USP40: variants seen among roughly 807,000 people sequenced by gnomAD.
USP40 encodes ubiquitin specific peptidase 40.
Under a neutral mutation model 166.2 loss-of-function variants are expected in USP40, and 143 were observed. The ratio of observed to expected loss-of-function variants is 0.86; its 90% CI spans 0.75 to 0.99. The LOEUF (loss-of-function observed/expected upper bound fraction) is 0.99. Among genes scored for constraint, USP40 ranks in the 50% least tolerant of loss-of-function variants. The pLI, the probability that USP40 is intolerant of heterozygous loss-of-function variation, is 0.00. For missense variants in USP40, 1,444 were observed against 1,479.7 expected (o/e 0.98, Z 0.40); for synonymous variants, 498 against 524.0 (o/e 0.95, Z 0.68).
intron 24 of USP40, among the ~76,000 whole-genome samples, chr2:233,496,422 TA>T (rs1165787000): frequency 2.6e-5 from 4 of 152,210 alleles, no homozygotes; most frequent in Non-Finnish European, 2.9e-5. Context: ...AACAAAATGT[TA>T]AAAACACGGT....
intron 26 of USP40, chr2:233,490,931 A>T (rs1192842088): frequency 1.5e-6 from 1 of 661,054 alleles, no homozygotes; most frequent in African/African-American, 1.8e-5. Flanking sequence ...GTCACTGAGG[A>T]TAGATTGAAA....
intron 26 of USP40, among the ~76,000 whole-genome samples, chr2:233,490,180 T>C (rs926874576): frequency 2.9e-5 from 4 of 138,368 alleles, no homozygotes; most frequent in Non-Finnish European, 4.8e-5. Context: ...TTTTTTTTTT[T>C]TGAGACGGAG....
intron 10 of USP40, among the ~76,000 whole-genome samples, chr2:233,538,817 G>C (rs4047187): frequency 0.79 from 120,425 of 152,104 alleles, 47,755 homozygotes; most frequent in East Asian, 0.87. Context: ...AGAAGTTCAA[G>C]ACCAGCCTGG....
intron 5 of USP40, among the ~76,000 whole-genome samples, chr2:233,556,339 C>T (rs111626409): frequency 3.3e-5 from 5 of 151,918 alleles, no homozygotes; most frequent in East Asian, 3.9e-4. Context: ...TTACAAAGAA[C>T]TGAAGGTTAT....
At chr2:233,533,092 A>G (rs1358564517) in intron 11 of USP40, among the ~76,000 whole-genome samples, 1 of 152,082 alleles carries the variant, frequency 6.6e-6, no homozygotes, top group Non-Finnish European at 1.5e-5. Context: ...AAAATAAAGG[A>G]GAAGATATAA....
At chr2:233,550,403 TTAAC>T (rs1424299513) in intron 7 of USP40, among the ~76,000 whole-genome samples, 2 of 152,060 alleles carry the variant, frequency 1.3e-5, no homozygotes, top group East Asian at 3.8e-4. Context: ...AACAATTATA[TTAAC>T]TAACTCTGGG....
At chr2:233,477,802 T>C (rs1194908574) in intron 31 of USP40, among the ~76,000 whole-genome samples, 1 of 152,228 alleles carries the variant, frequency 6.6e-6, no homozygotes, top group East Asian at 1.9e-4. Context: ...CTTTCCGTAC[T>C]TTTTAAACGG....
At chr2:233,521,189 T>C (rs2067626531) in intron 16 of USP40, 75 bp from the exon 17 acceptor site, 1 of 1,487,874 alleles carries the variant, frequency 6.7e-7, no homozygotes, top group South Asian at 1.4e-5. Context: ...CATGTGTCAC[T>C]TAATGTGACT....
At chr2:233,543,842 C>A (rs538381824) in intron 8 of USP40, among the ~76,000 whole-genome samples, 1 of 152,242 alleles carries the variant, frequency 6.6e-6, no homozygotes, top group Admixed American at 6.5e-5. Context: ...CTTGCTGACA[C>A]TGAACTTCCA....
chr2:233,502,773 C>T (rs1420784466), intron 21 of USP40, among the ~76,000 whole-genome samples: 1 of 152,102 alleles, frequency 6.6e-6, no homozygotes, highest in East Asian at 1.9e-4. Context: ...ATGAGGATTA[C>T]AGCTGAAGAA....
chr2:233,515,559 A>T (rs1003070966), intron 18 of USP40, among the ~76,000 whole-genome samples: 1 of 151,532 alleles, frequency 6.6e-6, no homozygotes, highest in African/African-American at 2.4e-5. Flanking sequence ...GTTAGGTTAC[A>T]AGGGTTTTTT....
At chr2:233,485,221 C>A (rs1230080727) in intron 30 of USP40, among the ~76,000 whole-genome samples, 3 of 152,176 alleles carry the variant, frequency 2.0e-5, no homozygotes, top group African/African-American at 7.2e-5. Flanking sequence ...GACGTCATGT[C>A]ACACAGTAGT....
chr2:233,507,271 T>G (rs1298772120), intron 21 of USP40, among the ~76,000 whole-genome samples: 1 of 152,142 alleles, frequency 6.6e-6, no homozygotes, highest in East Asian at 1.9e-4. Context: ...CAGATGTTCC[T>G]CACAAAAATA....
intron 25 of USP40, 128 bp from the exon 26 acceptor site, chr2:233,491,389 G>T: frequency 1.4e-6 from 1 of 720,060 alleles, no homozygotes; most frequent in Non-Finnish European, 2.4e-6. Flanking sequence ...CTGCATCCAA[G>T]TCTTATGAGG....
chr2:233,531,407 G>C (rs11675858), intron 11 of USP40, among the ~76,000 whole-genome samples: 10 of 152,076 alleles, frequency 6.6e-5, no homozygotes, highest in African/African-American at 2.4e-4. Context: ...AGTACACCTA[G>C]ATTTTTTGTT....
chr2:233,502,426 A>T (rs1355254024), intron 21 of USP40, among the ~76,000 whole-genome samples: 1 of 152,188 alleles, frequency 6.6e-6, no homozygotes, highest in African/African-American at 2.4e-5. Context: ...AAGTAACCTC[A>T]ATCCAAAAAT....
intron 2 of USP40, 40 bp downstream of exon 2, chr2:233,565,316 T>G (rs1284402217): frequency 2.9e-6 from 4 of 1,389,944 alleles, no homozygotes; most frequent in Admixed American, 4.3e-5. Context: ...GTAAAGAAGA[T>G]GGTACATATT....
chr2:233,533,914 G>A (rs2068744630), intron 10 of USP40, 135 bp from the exon 11 acceptor site: 2 of 901,968 alleles, frequency 2.2e-6, no homozygotes, highest in Admixed American at 2.9e-5. Context: ...CAGCTACGGG[G>A]GAAAATCCAT....
intron 6 of USP40, among the ~76,000 whole-genome samples, chr2:233,552,497 T>C (rs1210438068): frequency 6.6e-6 from 1 of 152,206 alleles, no homozygotes; most frequent in African/African-American, 2.4e-5. Flanking sequence ...ATAAAAGGTA[T>C]ATTTAAAAAC....
Sources: gnomAD v4.1 joint callset for allele counts (sites outside exome capture counted in the v4.1 genomes callset) on GRCh38, gnomAD v4.1.1 for gene constraint, MANE v1.5 for transcripts, NCBI Gene and HGNC (gene_info 2026-07-23, HGNC 2026-07-21) for gene names.